The following TYW1B variants were observed in gnomAD, a reference collection of about 807,000 sequenced individuals.
TYW1B encodes the protein tRNA-yW synthesizing protein 1 homolog B, also known as S-adenosyl-L-methionine-dependent tRNA 4-demethylwyosine synthase TYW1B.
TYW1B carries 73 observed loss-of-function variants against 86.9 expected under a neutral mutation model. The ratio of observed to expected loss-of-function variants is 0.84; its 90% CI spans 0.70 to 1.02. The LOEUF is 1.02. TYW1B is among the 50% of genes least tolerant of loss of function. The pLI, the probability that TYW1B is intolerant of heterozygous loss-of-function variation, is 0.00. For synonymous variants in TYW1B, 248 were observed against 292.8 expected (o/e 0.85, Z 1.56); for missense variants, 637 against 827.4 (o/e 0.77, Z 2.82).
chr7:72,616,836 C>T lies in TYW1B; in HGVS notation c.1621G>A (p.Val541Ile), dbSNP rs782342055. The T allele has an allele frequency of 2.5e-5, 40 of 1,614,052 alleles. No individual in the cohort carries two copies. The highest frequency in any genetic ancestry group is 3.3e-4 in the Middle Eastern group (2 of 6,084). Residue 541 changes from valine to isoleucine, a missense_variant, in exon 13 of 14, where the codon GTT (valine) becomes ATT (isoleucine). Val to Ile is a conservative substitution (Grantham distance 29). Transcript: ENST00000620995. The part of the protein sequence containing the change: ...GNPDFIEVKG[V>I]TYCRESSASS... ...GCTGAACTTTCTCTGCAGTAGGTAA[C>T]GCCCTGTGGAAACAGTATAACCATC...
intron 10 of TYW1B, among the ~76,000 whole-genome samples, chr7:72,701,442 TTTGTAGAGACAGGGTCTCACTATG>T (rs1261823389): frequency 6.6e-6 from 1 of 152,082 alleles, no homozygotes; most frequent in African/African-American, 2.4e-5. Flanking sequence ...GTTTTAATTT[TTTGTAGAGACAGGGTCTCACTATG>T]TTGCCCAGGC....
chr7:72,660,458 G>A (rs1472330884), intron 11 of TYW1B, among the ~76,000 whole-genome samples: 5 of 152,110 alleles, frequency 3.3e-5, no homozygotes, highest in African/African-American at 4.8e-5. Context: ...AACAAGTCAC[G>A]CCAGATTTGG....
At chr7:72,743,954 A>G (rs1787350305) in intron 8 of TYW1B, among the ~76,000 whole-genome samples, 1 of 152,160 alleles carries the variant, frequency 6.6e-6, no homozygotes, top group African/African-American at 2.4e-5. Flanking sequence ...TCTTTCACTT[A>G]AACTATTCCC....
At chr7:72,575,862 C>G (rs1811010768) in intron 13 of TYW1B, 143 bp from the exon 14 acceptor site, 2 of 1,336,958 alleles carry the variant, frequency 1.5e-6, no homozygotes, top group Non-Finnish European at 1.0e-6. Context: ...ACAAAAAAAC[C>G]TCTTCCATGT....
chr7:72,725,866 G>GTC (rs782569644), intron 9 of TYW1B, among the ~76,000 whole-genome samples: 3 of 151,682 alleles, frequency 2.0e-5, no homozygotes, highest in African/African-American at 7.3e-5. Flanking sequence ...CAGTCTCTCT[G>GTC]TCTCTCTCTC....
intron 7 of TYW1B, among the ~76,000 whole-genome samples, chr7:72,752,887 A>T (rs1404030392): frequency 2.6e-5 from 4 of 152,204 alleles, no homozygotes; most frequent in African/African-American, 9.6e-5. Context: ...ATGTCCCACC[A>T]GCCAAAGTGT....
chr7:72,801,222 G>A (rs1788398999), intron 6 of TYW1B, among the ~76,000 whole-genome samples: 1 of 152,056 alleles, frequency 6.6e-6, no homozygotes, highest in Admixed American at 6.6e-5. Flanking sequence ...CCGGCTACTC[G>A]GGAGGCTGAG....
At chr7:72,669,522 T>C (rs1813544009) in intron 11 of TYW1B, among the ~76,000 whole-genome samples, 1 of 151,896 alleles carries the variant, frequency 6.6e-6, no homozygotes, top group African/African-American at 2.4e-5. Context: ...TCCCAGCACT[T>C]TGGGAGGCCT....
intron 13 of TYW1B, among the ~76,000 whole-genome samples, chr7:72,612,312 T>C (rs559282313): frequency 3.9e-5 from 6 of 152,274 alleles, no homozygotes; most frequent in Admixed American, 1.3e-4. Flanking sequence ...CCTGAGTCCA[T>C]ACTGATAAAT....
At chr7:72,640,859 C>T (rs531938956) in intron 11 of TYW1B, among the ~76,000 whole-genome samples, 1 of 152,126 alleles carries the variant, frequency 6.6e-6, no homozygotes, top group Admixed American at 6.6e-5. Context: ...CTTAACTCTC[C>T]TCCAAGACCT....
rs181305306 is a variant in TYW1B, at chr7:72,635,361, T to C, written c.1507-6364A>G. On this transcript the variant is annotated intron_variant, in intron 11 of 13. Transcript: ENST00000620995. ...AAGACTTGATATCCAATAGAGACGG[T>C]TCTCAACCAGGAGCGATTCTGCACC... 7.0e-4 allele frequency among the ~76,000 whole-genome samples: 106 copies of C among 152,288 alleles called. 1 individual carries two copies. The highest frequency in any genetic ancestry group is 5.4e-3 in the Admixed American group (82 of 15,290).
intron 11 of TYW1B, among the ~76,000 whole-genome samples, chr7:72,673,110 G>C (rs773525272): frequency 7.9e-5 from 12 of 152,202 alleles, no homozygotes; most frequent in Non-Finnish European, 1.6e-4. Flanking sequence ...GGAGGCTGCA[G>C]TGAGCCGAGA....
At chr7:72,766,272 T>G (rs140031869) in intron 7 of TYW1B, among the ~76,000 whole-genome samples, 1 of 152,240 alleles carries the variant, frequency 6.6e-6, no homozygotes, top group African/African-American at 2.4e-5. Context: ...AAAGCCATTA[T>G]GCAAACTGAC....
chr7:72,768,277 T>C (rs1370577269), intron 7 of TYW1B, among the ~76,000 whole-genome samples: 5 of 151,810 alleles, frequency 3.3e-5, no homozygotes, highest in Non-Finnish European at 5.9e-5. Context: ...GCTTCTTCCA[T>C]ACAGGTTGCT....
intron 10 of TYW1B, among the ~76,000 whole-genome samples, chr7:72,709,261 A>G (rs1211748366): frequency 8.5e-5 from 13 of 152,194 alleles, no homozygotes; most frequent in Admixed American, 2.0e-4. Flanking sequence ...TACTTTCTAC[A>G]TATTCTGTCT....
intron 13 of TYW1B, among the ~76,000 whole-genome samples, chr7:72,607,072 T>C (rs1395484390): frequency 7.9e-5 from 12 of 152,102 alleles, no homozygotes; most frequent in Non-Finnish European, 1.0e-4. Context: ...CCATCACAAA[T>C]GTGCTTCAAT....
intron 13 of TYW1B, among the ~76,000 whole-genome samples, chr7:72,611,056 T>C (rs1227551752): frequency 6.6e-6 from 1 of 152,168 alleles, no homozygotes; most frequent in Non-Finnish European, 1.5e-5. Flanking sequence ...GTTCTCAATG[T>C]GCCATGTCTC....
chr7:72,780,872 C>G, intron 6 of TYW1B, among the ~76,000 whole-genome samples: 1 of 152,052 alleles, frequency 6.6e-6, no homozygotes, highest in Non-Finnish European at 1.5e-5. Flanking sequence ...TAACTCTAAT[C>G]TGCTAGGTGT....
chr7:72,791,403 T>C (rs1456562000), intron 6 of TYW1B, among the ~76,000 whole-genome samples: 2 of 106,578 alleles, frequency 1.9e-5, no homozygotes, highest in African/African-American at 7.9e-5. Flanking sequence ...TAAAGACTGA[T>C]GCTAAACCTC....
Sources: gnomAD v4.1 joint callset for allele counts (sites outside exome capture counted in the v4.1 genomes callset) on GRCh38, gnomAD v4.1.1 for gene constraint, MANE v1.5 for transcripts, NCBI Gene and HGNC (gene_info 2026-07-23, HGNC 2026-07-21) for gene names.